The following HABP2 variants were observed in gnomAD, a reference collection of about 807,000 sequenced individuals.
HABP2 encodes the protein hyaluronan binding protein 2, also known as factor VII-activating protease.
In HABP2, 65 loss-of-function variants were observed where a neutral mutation model predicts 66.5. That is an observed-to-expected ratio of 0.98 (90% CI 0.80 to 1.20). The LOEUF (loss-of-function observed/expected upper bound fraction) is 1.20, where lower values mean the gene tolerates loss of function less well. Among genes scored for constraint, HABP2 ranks in the 50% most tolerant of loss-of-function variants. The pLI, the probability that HABP2 is intolerant of heterozygous loss-of-function variation, is 0.00. For synonymous variants in HABP2, 263 were observed against 253.9 expected, an observed-to-expected ratio of 1.04 and a Z score of -0.34; for missense variants, 786 against 691.0, an observed-to-expected ratio of 1.14 and a Z score of -1.54.
chr10:113,584,378 G>A, intron 11 of HABP2, 96 bp downstream of exon 11: 1 of 1,012,852 alleles, frequency 9.9e-7, no homozygotes. Context: ...TGAAATGAGT[G>A]TCATATTCAA....
intron 2 of HABP2, among the ~76,000 whole-genome samples, chr10:113,568,976 A>G (rs1390114568): frequency 6.6e-6 from 1 of 152,178 alleles, no homozygotes; most frequent in African/African-American, 2.4e-5. Flanking sequence ...CTGAACAGAG[A>G]CCATGGAAAG....
rs374025176 is a variant in HABP2 at position 113,584,285 on chromosome 10, G to A, written c.1372+3G>A. 6.2e-7 allele frequency: 1 copy of A among 1,613,844 alleles called. No homozygotes were observed. Among genetic ancestry groups the A allele is most frequent in the African/African-American group, 1.3e-5 (1 of 75,048 alleles). On this transcript the variant is annotated splice_donor_region_variant and intron_variant, in intron 11 of 12. Coordinates refer to ENST00000351270, the MANE Select transcript of HABP2 (RefSeq NM_004132.5). Reference sequence around the variant, plus strand: ...TGGCTGGGGTGTTACAGAAACAGGTGAGTCGGCCATGCACTCTCCCATGAC... The same window carrying A: ...TGGCTGGGGTGTTACAGAAACAGGTAAGTCGGCCATGCACTCTCCCATGAC...
chr10:113,577,298 T>A, intron 5 of HABP2, 32 bp downstream of exon 5: 1 of 1,117,190 alleles, frequency 9.0e-7, no homozygotes, highest in Non-Finnish European at 1.4e-6. Context: ...GACGCTAGAC[T>A]TTCTGTGCCC....
Position 113,578,680 on chromosome 10 carries a change from A to G in HABP2, c.622A>G (p.Arg208Gly). 6.2e-7 allele frequency: 1 copy of G among 1,611,956 alleles called. No homozygotes were observed. Among genetic ancestry groups the G allele is most frequent in the Non-Finnish European group, 8.5e-7 (1 of 1,178,080 alleles). The part of the protein sequence containing the change: ...DGYSYRGKMN[R>G]TVNQHACLYW... ...CTACTCTTACCGAGGGAAAATGAAT[A>G]GGACAGTCAACCAGCATGCGTGCCT... Residue 208 changes from arginine (R) to glycine (G), a missense_variant, in exon 7 of 13, where the codon AGG (arginine) becomes GGG (glycine). Physicochemically the swap from Arg to Gly is moderately radical, Grantham distance 125 (BLOSUM62 -2). Transcript: ENST00000351270.
At chr10:113,558,315 A>T (rs1845037337) in intron 1 of HABP2, among the ~76,000 whole-genome samples, 1 of 152,232 alleles carries the variant, frequency 6.6e-6, no homozygotes, top group Admixed American at 6.5e-5. Context: ...ACTTTTGTTA[A>T]AGACTCACCT....
At chr10:113,584,390 A>G (rs1247141223) in intron 11 of HABP2, 108 bp downstream of exon 11, 1 of 903,608 alleles carries the variant, frequency 1.1e-6, no homozygotes, top group Non-Finnish European at 1.8e-6. Context: ...CATATTCAAA[A>G]TGCATCAACC....
At position 113,578,132 on chromosome 10, in the gene HABP2, A is replaced by G. The variant is rs202053426; in HGVS notation, c.555A>G (p.Lys185=). The change falls in exon 6 of 13, where the codon AAA becomes AAG. Residue 185 remains lysine, a synonymous_variant. Coordinates refer to ENST00000351270, the MANE Select transcript of HABP2 (RefSeq NM_004132.5). The part of the protein sequence containing the change: ...TCACPDQFKG[K]FCEIGSDDCY... The stretch of plus-strand genomic sequence containing the variant: ...CCTGTCCCGACCAGTTCAAGGGGAA[A>G]TTCTGTGAAATAGGTATGGGTCTCT... 5 of 1,614,170 alleles carry G rather than the reference A, an allele frequency of 3.1e-6. No homozygotes were observed. The South Asian group carries it at 3.3e-5, about 11-fold the overall frequency.
chr10:113,585,898 G>A lies in HABP2; in HGVS notation c.1478G>A (p.Cys493Tyr). The stretch of plus-strand genomic sequence containing the variant: ...CACATGATTGATGACAGTATGATCT[G>A]TGCAGGAAATCTTCAGAAACCTGGG... ...YDHMIDDSMI[C>Y]AGNLQKPGQD... The change falls in exon 12 of 13, where the codon TGT becomes TAT. Residue 493 changes from cysteine to tyrosine, a missense_variant. Coordinates refer to ENST00000351270, the MANE Select transcript of HABP2 (RefSeq NM_004132.5). 6.2e-7 allele frequency: 1 copy of A among 1,613,926 alleles called. No homozygotes were observed. Among genetic ancestry groups the A allele is most frequent in the Non-Finnish European group, 8.5e-7 (1 of 1,179,792 alleles).
At chr10:113,551,891 A>G (rs4244307), upstream of HABP2, among the ~76,000 whole-genome samples, 141,453 of 151,918 alleles carry the variant, frequency 0.93, 66,401 homozygotes, top group East Asian at 1. Context: ...TGTTGATGGT[A>G]TAGGAGGCGG....
chr10:113,558,852 G>A (rs1845048215), intron 1 of HABP2, among the ~76,000 whole-genome samples: 3 of 152,044 alleles, frequency 2.0e-5, no homozygotes, highest in Admixed American at 2.0e-4. Context: ...CCACTTGCTT[G>A]TCTTAATTTT....
chr10:113,589,016 C>T lies in HABP2; in HGVS notation c.*647C>T. 6.2e-7 allele frequency: 1 copy of T among 1,614,098 alleles called. No homozygotes were observed. Among genetic ancestry groups the T allele is most frequent in the Non-Finnish European group, 8.5e-7 (1 of 1,179,994 alleles). On this transcript the variant is annotated 3_prime_UTR_variant, in exon 13 of 13. Coordinates refer to ENST00000351270, the MANE Select transcript of HABP2 (RefSeq NM_004132.5). The stretch of plus-strand genomic sequence containing the variant: ...TTCTTCTTTTTGACGTGCAGAATCT[C>T]AGTGGCATCTGGGTTCACCTCCCCA...
intron 3 of HABP2, 53 bp downstream of exon 3, chr10:113,574,458 T>G: frequency 1.1e-6 from 1 of 879,590 alleles, no homozygotes; most frequent in Non-Finnish European, 1.9e-6. Context: ...CAGAGCGGAG[T>G]GTATGTGGGA....
At chr10:113,582,181 G>T in intron 9 of HABP2, 50 bp downstream of exon 9, 1 of 1,548,138 alleles carries the variant, frequency 6.5e-7, no homozygotes, top group Non-Finnish European at 8.7e-7. Context: ...GGCTGGGGGT[G>T]CTCTCCCCTT....
At chr10:113,557,882 T>G (rs1845026722) in intron 1 of HABP2, among the ~76,000 whole-genome samples, 1 of 152,256 alleles carries the variant, frequency 6.6e-6, no homozygotes, top group Admixed American at 6.5e-5. Flanking sequence ...CCAATGTCAT[T>G]CTCATTTTAC....
In HABP2 at chr10:113,578,165, T is replaced by G; in HGVS notation, c.568+20T>G. ...AAATAGGTATGGGTCTCTGCCACCA[T>G]CAGGGCCACAAGTGAGGCCTCTGGA... is the stretch of plus-strand genomic sequence containing the variant. On this transcript the variant is annotated intron_variant, in intron 6 of 12. Coordinates refer to ENST00000351270, the MANE Select transcript of HABP2 (RefSeq NM_004132.5). The G allele has an allele frequency of 6.2e-7, 1 of 1,613,488 alleles. No individual in the cohort carries two copies. Among genetic ancestry groups the G allele is most frequent in the East Asian group, 2.2e-5 (1 of 44,868 alleles).
At chr10:113,568,641 T>C (rs889185767) in intron 2 of HABP2, among the ~76,000 whole-genome samples, 2 of 152,180 alleles carry the variant, frequency 1.3e-5, no homozygotes, top group African/African-American at 2.4e-5. Flanking sequence ...CAGAGAGTTA[T>C]CCCCTAGCTG....
chr10:113,581,983 G>A lies in HABP2; in HGVS notation c.946G>A (p.Gly316Arg). The change falls in exon 9 of 13, where the codon GGA becomes AGA. Residue 316 changes from glycine to arginine, a missense_variant. By Grantham distance (125) the Gly-to-Arg change is moderately radical (BLOSUM62 -2). Coordinates refer to ENST00000351270, the MANE Select transcript of HABP2 (RefSeq NM_004132.5). ...AGAGAGGAAGATCAAGAGAATCTATGGAGGCTTTAAGAGCACGGCGGGCAA... is the reference window on the plus strand; with the variant it reads ...AGAGAGGAAGATCAAGAGAATCTATAGAGGCTTTAAGAGCACGGCGGGCAA... ...IAERKIKRIYGGFKSTAGKHP... is the reference protein window; with the variant it reads ...IAERKIKRIYRGFKSTAGKHP... 1 of 1,614,218 alleles carries A rather than the reference G, an allele frequency of 6.2e-7. No homozygotes were observed. Among genetic ancestry groups the A allele is most frequent in the South Asian group, 1.1e-5 (1 of 91,084 alleles).
chr10:113,567,234 A>G (rs1487694360), intron 1 of HABP2, among the ~76,000 whole-genome samples: 1 of 152,204 alleles, frequency 6.6e-6, no homozygotes, highest in Non-Finnish European at 1.5e-5. Flanking sequence ...GGACAGGTGC[A>G]GACAACTGAC....
chr10:113,570,193 A>T (rs1845279770), intron 2 of HABP2: 1 of 152,188 alleles, frequency 6.6e-6, no homozygotes, highest in Admixed American at 6.5e-5. Flanking sequence ...TTTGGCCTTC[A>T]TTTTTCCTTA....
Sources: allele counts gnomAD v4.1 joint callset (sites outside exome capture counted in the v4.1 genomes callset), GRCh38; gene constraint gnomAD v4.1.1; transcripts MANE v1.5; gene names NCBI Gene and HGNC (gene_info 2026-07-23, HGNC 2026-07-21).